Variants in FN1 observed in about 807,000 individuals in gnomAD.
The protein encoded by FN1 is fibronectin.
Under a neutral mutation model 297.3 loss-of-function variants are expected in FN1, and 106 were observed. The ratio of observed to expected loss-of-function variants is 0.36; its 90% CI spans 0.30 to 0.42. The LOEUF (loss-of-function observed/expected upper bound fraction) is 0.42, where lower values mean the gene tolerates loss of function less well. FN1 is among the 10% of genes least tolerant of loss of function. FN1 has a pLI of 1.00. For missense variants in FN1, 2,690 were observed against 3,124.9 expected (o/e 0.86, Z 3.32); for synonymous variants, 1,149 against 1,152.6 (o/e 1.00, Z 0.06).
intron 3 of FN1, 81 bp downstream of exon 3, chr2:215,433,243 G>A (rs1055206828): frequency 6.4e-7 from 1 of 1,560,154 alleles, no homozygotes; most frequent in Non-Finnish European, 8.8e-7. Context: ...TCCAGTCATG[G>A]ATAACAGAAA....
intron 5 of FN1, among the ~76,000 whole-genome samples, chr2:215,428,872 G>A (rs1385509996): frequency 2.6e-5 from 4 of 152,006 alleles, no homozygotes; most frequent in African/African-American, 7.2e-5. Flanking sequence ...AAAATTAGCC[G>A]GCTGTGGTGG....
rs548828880 is a variant in FN1 at position 215,365,554 on chromosome 2, C to T, written c.7095G>A (p.Met2365Ile). 5.0e-6 allele frequency: 8 copies of T among 1,613,974 alleles called. No individual in the cohort carries two copies. The highest frequency in any genetic ancestry group is 1.1e-5 in the South Asian group (1 of 91,082). ...WDRQGENGQM[M>I]SCTCLGNGKG... is the part of the protein sequence containing the mutation. ...TTCCGTTCCCAAGACATGTGCAGCT[C>T]ATCATCTGGCCATTTTCTCCCTGAC... Residue 2365 changes from methionine to isoleucine, a missense_variant, in exon 43 of 46, where the codon ATG becomes ATA. This residue lies in a region of FN1 where 1,743 missense variants were observed against 1,945.2 expected (regional missense o/e 0.90). Coordinates refer to ENST00000354785, the MANE Select transcript of FN1 (RefSeq NM_212482.4).
chr2:215,425,734 T>G (rs2065213794), intron 6 of FN1, among the ~76,000 whole-genome samples: 1 of 152,032 alleles, frequency 6.6e-6, no homozygotes, highest in South Asian at 2.1e-4. Flanking sequence ...TTTTGTATTT[T>G]TTAGTAGAGA....
chr2:215,381,824 G>C, intron 32 of FN1: 1 of 333,770 alleles, frequency 3.0e-6, no homozygotes, highest in Non-Finnish European at 5.8e-6. Context: ...TTACACTCTG[G>C]TCCAGCCATA....
chr2:215,391,163 C>T (rs960520794), intron 26 of FN1, among the ~76,000 whole-genome samples: 1 of 152,142 alleles, frequency 6.6e-6, no homozygotes, highest in African/African-American at 2.4e-5. Flanking sequence ...CTCTTCACAA[C>T]AACATTCTAA....
Position 215,391,710 on chromosome 2 carries a change from G to A in FN1, c.4174C>T (p.Arg1392Cys), listed in dbSNP as rs1367426886. The change falls in exon 26 of 46, where the codon CGT becomes TGT. Residue 1392 changes from arginine to cysteine, a missense_variant. Coordinates refer to ENST00000354785, the MANE Select transcript of FN1 (RefSeq NM_212482.4). ...TCCTCATTTTTCACAGGTGAGTAACGCACCAGGAAGTTGGTTAAATCAATG... is the reference window on the plus strand; with the variant it reads ...TCCTCATTTTTCACAGGTGAGTAACACACCAGGAAGTTGGTTAAATCAATG... ...PSIDLTNFLV[R>C]YSPVKNEEDV... 3.7e-6 allele frequency: 6 copies of A among 1,613,970 alleles called. No individual in the cohort carries two copies. The highest frequency in any genetic ancestry group is 4.2e-6 in the Non-Finnish European group (5 of 1,179,860).
At chr2:215,408,534 C>T (rs1048518863) in intron 15 of FN1, 108 bp from the exon 16 acceptor site, 62 of 1,083,634 alleles carry the variant, frequency 5.7e-5, no homozygotes, top group Admixed American at 1.3e-4. Context: ...TAGGGAAAAG[C>T]GACTAGAAGG....
chr2:215,377,271 A>G (rs374094537), intron 35 of FN1, among the ~76,000 whole-genome samples: 11 of 152,168 alleles, frequency 7.2e-5, no homozygotes, highest in Non-Finnish European at 1.0e-4. Flanking sequence ...ATTTGGTCCA[A>G]TGGTTACTGT....
Position 215,394,726 on chromosome 2 carries a change from A to G in FN1, c.3605-7T>C, listed in dbSNP as rs776091021. ...ATTCTATAACCAGTAATGTCTGGAGAAAAAAGAAAAGGGAAGTTATTGCAC... is the reference window on the plus strand; with the variant it reads ...ATTCTATAACCAGTAATGTCTGGAGGAAAAAGAAAAGGGAAGTTATTGCAC... On this transcript the variant is annotated splice_region_variant and splice_polypyrimidine_tract_variant and intron_variant, in intron 23 of 45. Transcript: ENST00000354785. 1 of 1,610,798 alleles carries G rather than the reference A, an allele frequency of 6.2e-7. No individual in the cohort carries two copies. Among genetic ancestry groups the G allele is most frequent in the Non-Finnish European group, 8.5e-7 (1 of 1,177,146 alleles).
Position 215,373,424 on chromosome 2 carries a change from T to G in FN1, c.6158-13A>C. The G allele has an allele frequency of 6.2e-7, 1 of 1,604,778 alleles. No individual in the cohort carries two copies. The highest frequency in any genetic ancestry group is 8.5e-7 in the Non-Finnish European group (1 of 1,172,142). On this transcript the variant is annotated splice_polypyrimidine_tract_variant and intron_variant, in intron 38 of 45. Transcript: ENST00000354785. ...CCCGGTTCCAGGCCTGAAGGGAGAA[T>G]AGAACCATCACATTATGTCAATGGG...
At chr2:215,364,809 G>T in intron 44 of FN1, 70 bp downstream of exon 44, 1 of 1,023,700 alleles carries the variant, frequency 9.8e-7, no homozygotes, top group Non-Finnish European at 1.5e-6. Flanking sequence ...CTGTGTGTAC[G>T]ACACATCCTT....
At chr2:215,428,871 C>T (rs754840680) in intron 5 of FN1, among the ~76,000 whole-genome samples, 21 of 152,056 alleles carry the variant, frequency 1.4e-4, no homozygotes, top group African/African-American at 4.6e-4. Flanking sequence ...AAAAATTAGC[C>T]GGCTGTGGTG....
rs767697733 is a variant in FN1, at chr2:215,367,845, G to A, written c.7018+18C>T. 2 of 1,613,366 alleles carry A rather than the reference G, an allele frequency of 1.2e-6. No individual in the cohort carries two copies. The highest frequency in any genetic ancestry group is 2.2e-5 in the East Asian group (1 of 44,866). ...GAGGAGACAAACACGGAAGTGGATG[G>A]ACAAAGCAACTACTCACTAGATGAA... On this transcript the variant is annotated intron_variant, in intron 42 of 45. Coordinates refer to ENST00000354785, the MANE Select transcript of FN1 (RefSeq NM_212482.4).
chr2:215,369,072 G>A (rs1372605770), intron 41 of FN1, among the ~76,000 whole-genome samples: 1 of 152,038 alleles, frequency 6.6e-6, no homozygotes, highest in African/African-American at 2.4e-5. Context: ...GGAGAACCTG[G>A]TTAGAATGTA....
chr2:215,435,248 C>G (rs760642401), intron 1 of FN1, among the ~76,000 whole-genome samples: 6 of 152,110 alleles, frequency 3.9e-5, no homozygotes, highest in Non-Finnish European at 5.9e-5. Flanking sequence ...TTCAATACCC[C>G]CTTTCCACCC....
intron 21 of FN1, among the ~76,000 whole-genome samples, chr2:215,398,537 A>G (rs1015601795): frequency 6.6e-6 from 1 of 152,206 alleles, no homozygotes; most frequent in Non-Finnish European, 1.5e-5. Flanking sequence ...CTCTTCAGAA[A>G]GTTCTTCTAT....
chr2:215,393,314 T>A, intron 24 of FN1, 111 bp from the exon 25 acceptor site: 1 of 1,024,974 alleles, frequency 9.8e-7, no homozygotes, highest in East Asian at 2.5e-5. Context: ...ATTGGTGGAA[T>A]GTTAAAGCAA....
At chr2:215,423,110 A>G (rs1256171833) in intron 9 of FN1, among the ~76,000 whole-genome samples, 1 of 152,092 alleles carries the variant, frequency 6.6e-6, no homozygotes, top group Non-Finnish European at 1.5e-5. Context: ...AAATCATGTC[A>G]ATGAGGTTTA....
chr2:215,397,727 C>G lies in FN1; in HGVS notation c.3470G>C (p.Arg1157Thr). The G allele has an allele frequency of 6.2e-7, 1 of 1,614,104 alleles. No individual in the cohort carries two copies. The highest frequency in any genetic ancestry group is 8.5e-7 in the Non-Finnish European group (1 of 1,179,932). The change falls in exon 22 of 46, where the codon AGA becomes ACA. Residue 1157 changes from arginine to threonine, a missense_variant. Around this residue, in one of 3 missense-constraint regions of FN1, gnomAD observed 1,743 missense variants for 1,945.2 expected, o/e 0.90. Transcript: ENST00000354785. ...TGGCGCATCTCTTTCCTGTCCATCTCTCAGGACTTGGATGGTGTAGACGTA... is the reference window on the plus strand; with the variant it reads ...TGGCGCATCTCTTTCCTGTCCATCTGTCAGGACTTGGATGGTGTAGACGTA... ...VEYVYTIQVL[R>T]DGQERDAPIV...
Sources: allele counts gnomAD v4.1 joint callset (sites outside exome capture counted in the v4.1 genomes callset), GRCh38; gene constraint gnomAD v4.1.1; regional missense constraint gnomAD v4.1.1; transcripts MANE v1.5; gene names NCBI Gene and HGNC (gene_info 2026-07-23, HGNC 2026-07-21).